Variants in PPP4R4 observed in about 807,000 individuals in gnomAD.
The protein encoded by PPP4R4 is protein phosphatase 4 regulatory subunit 4, also known as serine/threonine-protein phosphatase 4 regulatory subunit 4.
In PPP4R4, 70 loss-of-function variants were observed where a neutral mutation model predicts 121.8. The observed-to-expected ratio is 0.57, with a 90% CI of 0.47 to 0.70. The LOEUF (loss-of-function observed/expected upper bound fraction) is 0.70, where lower values mean the gene tolerates loss of function less well. PPP4R4 is among the 30% of genes least tolerant of loss of function. The pLI is 0.00. For synonymous variants in PPP4R4, 348 were observed against 355.7 expected, an observed-to-expected ratio of 0.98 and a Z score of 0.24; for missense variants, 875 against 1,033.6, an observed-to-expected ratio of 0.85 and a Z score of 2.10.
chr14:94,225,754 T>C (rs2139512226), intron 3 of PPP4R4, among the ~76,000 whole-genome samples: 1 of 152,264 alleles, frequency 6.6e-6, no homozygotes, highest in East Asian at 1.9e-4. Flanking sequence ...TGCTGGGACT[T>C]GAATGAAATT....
chr14:94,252,358 T>C (rs1215972160), intron 16 of PPP4R4, among the ~76,000 whole-genome samples: 1 of 152,164 alleles, frequency 6.6e-6, no homozygotes, highest in Non-Finnish European at 1.5e-5. Context: ...CCTTATATTA[T>C]TGAAATCCAG....
chr14:94,253,346 G>C (rs746148094), intron 16 of PPP4R4, among the ~76,000 whole-genome samples: 1 of 152,214 alleles, frequency 6.6e-6, no homozygotes, highest in Non-Finnish European at 1.5e-5. Context: ...TGCAGTCCCA[G>C]CTACTTGGGA....
rs114896451 is a variant in PPP4R4, at chr14:94,197,160, A to G, written c.192-11304A>G. Among the ~76,000 whole-genome samples, 582 of 151,970 alleles carry G rather than the reference A, an allele frequency of 3.8e-3. 8 individuals carry two copies. The highest frequency in any genetic ancestry group is 0.013 in the African/African-American group (541 of 41,442). ...CTTCTTGTTGTTCCTCTGCTGCTCA[A>G]TTTGGATTCTGTTTCCCAGAATTTT... On this transcript the variant is annotated intron_variant, in intron 2 of 24. Transcript: ENST00000304338.
intron 2 of PPP4R4, among the ~76,000 whole-genome samples, chr14:94,181,552 G>T (rs1381515986): frequency 6.6e-6 from 1 of 152,056 alleles, no homozygotes; most frequent in African/African-American, 2.4e-5. Context: ...TTGAGTATGG[G>T]TCTGCTGATT....
Position 94,234,652 on chromosome 14 carries a change from T to C in PPP4R4, c.714T>C (p.Asn238=), listed in dbSNP as rs1892228861. Residue 238 remains asparagine, a synonymous_variant, in exon 7 of 25, where the codon AAT becomes AAC. Transcript: ENST00000304338. Reference sequence around the variant, plus strand: ...CTTGTATGTGTCGGCAATTAGAAAATATAGCCCAGGGCATTGGGTAGGTAT... The same window carrying C: ...CTTGTATGTGTCGGCAATTAGAAAACATAGCCCAGGGCATTGGGTAGGTAT... ...VRSCMCRQLE[N]IAQGIGTELT... The C allele has an allele frequency of 6.3e-7, 1 of 1,592,058 alleles. No homozygotes were observed. The highest frequency in any genetic ancestry group is 8.6e-7 in the Non-Finnish European group (1 of 1,160,364).
rs115178884 is a variant in PPP4R4 at position 94,189,034 on chromosome 14, A to G, written c.191+12907A>G. Reference sequence around the variant, plus strand: ...GATAAGTATGTCTAAAACAATTACCATAAGAGAAATCAGGGAGAAAATTGA... The same window carrying G: ...GATAAGTATGTCTAAAACAATTACCGTAAGAGAAATCAGGGAGAAAATTGA... On this transcript the variant is annotated intron_variant, in intron 2 of 24. Transcript: ENST00000304338. Among the ~76,000 whole-genome samples the G allele has an allele frequency of 3.6e-3, 544 of 152,310 alleles. 5 individuals are homozygous for G. The highest frequency in any genetic ancestry group is 0.013 in the African/African-American group (523 of 41,594).
At chr14:94,257,642 TACACAC>T (rs57997995) in intron 17 of PPP4R4, among the ~76,000 whole-genome samples, 29,565 of 146,916 alleles carry the variant, frequency 0.2, 3,353 homozygotes, top group East Asian at 0.57. Flanking sequence ...CATTTAAATC[TACACAC>T]ACACACACAC....
intron 2 of PPP4R4, among the ~76,000 whole-genome samples, chr14:94,188,489 A>G (rs1490855288): frequency 6.6e-6 from 1 of 152,166 alleles, no homozygotes; most frequent in Non-Finnish European, 1.5e-5. Context: ...CTTCATTATT[A>G]CTACATAAAT....
chr14:94,228,737 A>G (rs1891856844), intron 3 of PPP4R4, among the ~76,000 whole-genome samples: 1 of 152,182 alleles, frequency 6.6e-6, no homozygotes, highest in Non-Finnish European at 1.5e-5. Context: ...ACATTTAGTC[A>G]CCCGGCAGCT....
chr14:94,244,850 C>T, intron 12 of PPP4R4, 138 bp downstream of exon 12: 1 of 770,432 alleles, frequency 1.3e-6, no homozygotes, highest in Non-Finnish European at 1.8e-6. Flanking sequence ...TGTTGTACCA[C>T]TATATCATAA....
chr14:94,184,958 A>T (rs767427240), intron 2 of PPP4R4, among the ~76,000 whole-genome samples: 4 of 152,200 alleles, frequency 2.6e-5, no homozygotes, highest in African/African-American at 7.2e-5. Context: ...TCTCCTGGGG[A>T]ATGAAGGTCA....
chr14:94,212,204 C>A (rs1164584143), intron 3 of PPP4R4, among the ~76,000 whole-genome samples: 1 of 152,028 alleles, frequency 6.6e-6, no homozygotes, highest in Admixed American at 6.6e-5. Context: ...TGTTTTATTG[C>A]ATTTGCATTT....
At chr14:94,190,872 C>CTTTT (rs11414150) in intron 2 of PPP4R4, among the ~76,000 whole-genome samples, 2 of 145,554 alleles carry the variant, frequency 1.4e-5, no homozygotes, top group Admixed American at 6.8e-5. Flanking sequence ...TGATTTCCAA[C>CTTTT]TTTTTTTTTT....
At chr14:94,245,162 A>G (rs1351228858) in intron 12 of PPP4R4, among the ~76,000 whole-genome samples, 1 of 152,110 alleles carries the variant, frequency 6.6e-6, no homozygotes, top group East Asian at 1.9e-4. Flanking sequence ...AAGACTTTGA[A>G]ATACTTTATT....
chr14:94,211,380 G>C (rs1890729672), intron 3 of PPP4R4, among the ~76,000 whole-genome samples: 1 of 152,146 alleles, frequency 6.6e-6, no homozygotes, highest in Non-Finnish European at 1.5e-5. Flanking sequence ...GGCAAGGAAT[G>C]CCTTTCTGAG....
intron 2 of PPP4R4, among the ~76,000 whole-genome samples, chr14:94,178,879 T>C (rs1285216928): frequency 6.6e-6 from 1 of 152,228 alleles, no homozygotes; most frequent in African/African-American, 2.4e-5. Context: ...TGAGTGATTT[T>C]ATTATAGAAG....
At chr14:94,262,193 G>A (rs1381427837) in intron 19 of PPP4R4, among the ~76,000 whole-genome samples, 3 of 151,980 alleles carry the variant, frequency 2.0e-5, no homozygotes, top group African/African-American at 7.2e-5. Context: ...ATTTTGGAAA[G>A]TATTTTGATA....
At chr14:94,259,490 T>C in intron 19 of PPP4R4, 121 bp downstream of exon 19, 1 of 1,289,424 alleles carries the variant, frequency 7.8e-7, no homozygotes, top group Non-Finnish European at 1.0e-6. Context: ...TCTTCTTAAA[T>C]GATAGTCCAG....
intron 16 of PPP4R4, among the ~76,000 whole-genome samples, chr14:94,255,701 G>T (rs1893434789): frequency 6.6e-6 from 1 of 151,638 alleles, no homozygotes; most frequent in Non-Finnish European, 1.5e-5. Flanking sequence ...CTGAATTATT[G>T]TAAGAGCTTT....
Sources: allele counts gnomAD v4.1 joint callset (sites outside exome capture counted in the v4.1 genomes callset), GRCh38; gene constraint gnomAD v4.1.1; transcripts MANE v1.5; gene names NCBI Gene and HGNC (gene_info 2026-07-23, HGNC 2026-07-21).